Variants in ZCWPW2 observed in about 807,000 individuals in gnomAD.
ZCWPW2 encodes the protein zinc finger CW-type and PWWP domain containing 2, also known as zinc finger CW-type PWWP domain protein 2.
Under a neutral mutation model 46.6 loss-of-function variants are expected in ZCWPW2, and 45 were observed. That is an observed-to-expected ratio of 0.96 (90% CI 0.76 to 1.24). The LOEUF (loss-of-function observed/expected upper bound fraction) is 1.24. Among genes scored for constraint, ZCWPW2 ranks in the 50% most tolerant of loss-of-function variants. ZCWPW2 has a pLI of 0.00. For missense variants in ZCWPW2, 429 were observed against 403.9 expected (o/e 1.06, Z -0.53); for synonymous variants, 152 against 137.1 (o/e 1.11, Z -0.76).
chr3:28,517,947 C>T (rs1274333101), intron 8 of ZCWPW2, among the ~76,000 whole-genome samples: 1 of 151,924 alleles, frequency 6.6e-6, no homozygotes, highest in Non-Finnish European at 1.5e-5. Flanking sequence ...ACGAGCCTGG[C>T]CAACATGGTA....
At chr3:28,431,589 A>G (rs1406276311) in intron 3 of ZCWPW2, among the ~76,000 whole-genome samples, 1 of 152,188 alleles carries the variant, frequency 6.6e-6, no homozygotes, top group East Asian at 1.9e-4. Flanking sequence ...CTGTTCAAAT[A>G]TGACCACATC....
intron 1 of ZCWPW2, among the ~76,000 whole-genome samples, chr3:28,386,237 A>T (rs183766819): frequency 2.6e-3 from 391 of 151,850 alleles, no homozygotes; most frequent in Middle Eastern, 0.01. Flanking sequence ...ACACCAGAAA[A>T]CTCACTTCCT....
chr3:28,453,606 T>C (rs1698308447), intron 4 of ZCWPW2, among the ~76,000 whole-genome samples: 1 of 152,086 alleles, frequency 6.6e-6, no homozygotes, highest in Non-Finnish European at 1.5e-5. Flanking sequence ...TTTAAGCCAA[T>C]ATACAAGACT....
chr3:28,387,714 T>C lies in ZCWPW2; in HGVS notation c.-133-2784T>C, dbSNP rs115791815. Among the ~76,000 whole-genome samples the C allele has an allele frequency of 1.4e-3, 208 of 152,246 alleles. 2 individuals carry two copies. The highest frequency in any genetic ancestry group is 4.0e-3 in the African/African-American group (166 of 41,538). ...CATAAAAAATGGCAGAATAGGAAAC[T>C]CAAAATAAAAGCTGTCTGCCCACTA... On this transcript the variant is annotated intron_variant, in intron 1 of 9. Transcript: ENST00000383768.
chr3:28,465,352 T>A (rs113747434), intron 4 of ZCWPW2, among the ~76,000 whole-genome samples: 22 of 152,330 alleles, frequency 1.4e-4, no homozygotes, highest in African/African-American at 5.3e-4. Context: ...TTTGCTTCTT[T>A]CTTGTCAATC....
At chr3:28,423,962 A>T (rs914544318) in intron 3 of ZCWPW2, among the ~76,000 whole-genome samples, 2 of 151,914 alleles carry the variant, frequency 1.3e-5, no homozygotes, top group Non-Finnish European at 2.9e-5. Context: ...ACTTAGTTTC[A>T]TCATAGGTGG....
chr3:28,516,219 G>A (rs770789734), intron 8 of ZCWPW2, among the ~76,000 whole-genome samples: 13 of 151,460 alleles, frequency 8.6e-5, no homozygotes, highest in Non-Finnish European at 1.6e-4. Flanking sequence ...CAGCCTGGGC[G>A]ACAGAACAAC....
chr3:28,432,283 G>A (rs183269827), intron 3 of ZCWPW2, among the ~76,000 whole-genome samples: 2 of 152,148 alleles, frequency 1.3e-5, no homozygotes, highest in African/African-American at 2.4e-5. Flanking sequence ...TAAGCATTCT[G>A]TGTCTCAGAT....
At chr3:28,427,940 G>A (rs967034442) in intron 3 of ZCWPW2, 1 of 152,170 alleles carries the variant, frequency 6.6e-6, no homozygotes, top group African/African-American at 2.4e-5. Context: ...TTATGGATTG[G>A]TTGCTTTTAA....
rs1288471426 is a variant in ZCWPW2, at chr3:28,411,234, A to C, written c.-13-1822A>C. 2.6e-5 allele frequency among the ~76,000 whole-genome samples: 4 copies of C among 151,976 alleles called. No individual in the cohort carries two copies. The East Asian group carries it at 7.7e-4, about 29-fold the overall frequency. Reference sequence around the variant, plus strand: ...ATAGTTTATTATTCAAAAATTCATGAATACAATGTGTACCCAATTAATACA... The same window carrying C: ...ATAGTTTATTATTCAAAAATTCATGCATACAATGTGTACCCAATTAATACA... On this transcript the variant is annotated intron_variant, in intron 2 of 9. Transcript: ENST00000383768.
At chr3:28,511,801 T>TAA (rs1206694933) in intron 6 of ZCWPW2, among the ~76,000 whole-genome samples, 1 of 152,198 alleles carries the variant, frequency 6.6e-6, no homozygotes, top group Non-Finnish European at 1.5e-5. Flanking sequence ...TTAATTTACT[T>TAA]ATCTTCACTT....
chr3:28,356,149 T>A (rs940359182), intron 1 of ZCWPW2, among the ~76,000 whole-genome samples: 10 of 152,006 alleles, frequency 6.6e-5, no homozygotes, highest in Admixed American at 2.6e-4. Flanking sequence ...TTAAACAAAT[T>A]TACAAGAAAA....
intron 2 of ZCWPW2, among the ~76,000 whole-genome samples, chr3:28,407,657 A>G (rs1696220359): frequency 6.6e-6 from 1 of 152,192 alleles, no homozygotes; most frequent in African/African-American, 2.4e-5. Flanking sequence ...CTTGAACTCA[A>G]GACTTTATAA....
At chr3:28,497,327 A>C (rs999566469) in intron 6 of ZCWPW2, among the ~76,000 whole-genome samples, 6 of 151,690 alleles carry the variant, frequency 4.0e-5, no homozygotes, top group Admixed American at 1.3e-4. Flanking sequence ...ATGTTACTCT[A>C]TAGATTTAAA....
chr3:28,470,065 G>T (rs535916937), intron 4 of ZCWPW2, among the ~76,000 whole-genome samples: 2 of 152,230 alleles, frequency 1.3e-5, no homozygotes, highest in South Asian at 2.1e-4. Context: ...AAAATTGAAC[G>T]TATGTCAGGT....
At chr3:28,478,304 C>G in intron 4 of ZCWPW2, 2 of 323,764 alleles carry the variant, frequency 6.2e-6, no homozygotes, top group South Asian at 4.7e-5. Context: ...AGTGCAGTGG[C>G]ACAATCTCGC....
intron 4 of ZCWPW2, among the ~76,000 whole-genome samples, chr3:28,470,695 G>C (rs947533189): frequency 6.6e-6 from 1 of 151,396 alleles, no homozygotes; most frequent in Non-Finnish European, 1.5e-5. Flanking sequence ...AAAAAAGCAA[G>C]AGCAAACAAA....
intron 4 of ZCWPW2, among the ~76,000 whole-genome samples, chr3:28,466,211 A>G (rs774040201): frequency 2.0e-5 from 3 of 152,128 alleles, no homozygotes; most frequent in Non-Finnish European, 4.4e-5. Context: ...GACAATGAAG[A>G]TAGAAAAACT....
chr3:28,474,620 TGCGCGC>T (rs1553640372), intron 4 of ZCWPW2, among the ~76,000 whole-genome samples: 25 of 121,624 alleles, frequency 2.1e-4, no homozygotes, highest in East Asian at 1.4e-3. Context: ...TGTGTGTGTG[TGCGCGC>T]GCGCGCGCGC....
Sources: gnomAD v4.1 joint callset for allele counts (sites outside exome capture counted in the v4.1 genomes callset) on GRCh38, gnomAD v4.1.1 for gene constraint, MANE v1.5 for transcripts, NCBI Gene and HGNC (gene_info 2026-07-23, HGNC 2026-07-21) for gene names.